B3GALT1: variants seen among roughly 807,000 people sequenced by gnomAD.
The protein encoded by B3GALT1 is UDP-Gal:betaGlcNAc beta 1,3-galactosyltransferase, polypeptide 1.
Under a neutral mutation model 23.2 loss-of-function variants are expected in B3GALT1, and 10 were observed. The ratio of observed to expected loss-of-function variants is 0.43; its 90% confidence interval spans 0.27 to 0.73. B3GALT1 has a LOEUF of 0.73. B3GALT1 is among the 30% of genes least tolerant of loss of function. The pLI is 0.21. For missense variants in B3GALT1, 299 were observed against 405.4 expected (o/e 0.74, Z 2.25); for synonymous variants, 156 against 141.5 (o/e 1.10, Z -0.73).
At chr2:167,822,754 A>T (rs939776449) in intron 4 of B3GALT1, among the ~76,000 whole-genome samples, 5 of 151,968 alleles carry the variant, frequency 3.3e-5, no homozygotes, top group Non-Finnish European at 7.4e-5. Context: ...CCCACTCAAA[A>T]TTCACTCCTC....
chr2:167,834,002 T>A (rs1002210146), intron 4 of B3GALT1, among the ~76,000 whole-genome samples: 1 of 152,196 alleles, frequency 6.6e-6, no homozygotes, highest in African/African-American at 2.4e-5. Flanking sequence ...TGTTGTTGGA[T>A]TTCTATATCA....
At chr2:167,372,727 A>T in intron 1 of B3GALT1, among the ~76,000 whole-genome samples, 1 of 152,106 alleles carries the variant, frequency 6.6e-6, no homozygotes, top group East Asian at 1.9e-4. Context: ...AATAATTTAT[A>T]ATAATATCAA....
chr2:167,783,445 C>T (rs1688282195), intron 3 of B3GALT1, among the ~76,000 whole-genome samples: 2 of 152,092 alleles, frequency 1.3e-5, no homozygotes, highest in Admixed American at 1.3e-4. Flanking sequence ...CCACCTAACG[C>T]CTGACTCTGA....
intron 2 of B3GALT1, among the ~76,000 whole-genome samples, chr2:167,583,304 A>G (rs939908988): frequency 7.2e-5 from 11 of 152,120 alleles, no homozygotes; most frequent in African/African-American, 2.4e-4. Flanking sequence ...TTCATGATGT[A>G]GCTGCAAAAA....
At chr2:167,791,277 C>A (rs561390673) in intron 3 of B3GALT1, among the ~76,000 whole-genome samples, 2 of 152,250 alleles carry the variant, frequency 1.3e-5, no homozygotes, top group East Asian at 3.9e-4. Context: ...GACCAGTAGA[C>A]TATCTTGCCT....
chr2:167,298,477 G>A (rs1188157406), intron 1 of B3GALT1, among the ~76,000 whole-genome samples: 1 of 152,004 alleles, frequency 6.6e-6, no homozygotes, highest in African/African-American at 2.4e-5. Context: ...ATGAGAAATT[G>A]GGATACATTT....
intron 1 of B3GALT1, among the ~76,000 whole-genome samples, chr2:167,398,433 A>G (rs1698131874): frequency 1.3e-5 from 2 of 151,954 alleles, no homozygotes; most frequent in Middle Eastern, 3.4e-3. Flanking sequence ...CTCTATTGCT[A>G]TCTCTCTATT....
intron 1 of B3GALT1, among the ~76,000 whole-genome samples, chr2:167,326,704 T>C (rs2689821): frequency 0.81 from 123,659 of 151,732 alleles, 51,549 homozygotes; most frequent in Non-Finnish European, 0.9. Flanking sequence ...ATTTATTTAT[T>C]GTAGAGACAC....
At chr2:167,350,431 A>G (rs958018107) in intron 1 of B3GALT1, among the ~76,000 whole-genome samples, 1 of 152,182 alleles carries the variant, frequency 6.6e-6, no homozygotes, top group Non-Finnish European at 1.5e-5. Context: ...AATGGTTTAT[A>G]TATCTGAGCA....
At chr2:167,676,421 G>A (rs1280441698) in intron 3 of B3GALT1, among the ~76,000 whole-genome samples, 1 of 151,768 alleles carries the variant, frequency 6.6e-6, no homozygotes, top group Non-Finnish European at 1.5e-5. Context: ...CATCAGATGA[G>A]TTGTTGAGAG....
intron 3 of B3GALT1, among the ~76,000 whole-genome samples, chr2:167,701,455 G>T (rs764232143): frequency 6.6e-6 from 1 of 152,088 alleles, no homozygotes; most frequent in Non-Finnish European, 1.5e-5. Context: ...TTAAGAAAAT[G>T]ATCTGCATCC....
At chr2:167,810,515 G>C (rs11885231) in intron 3 of B3GALT1, among the ~76,000 whole-genome samples, 4,630 of 150,898 alleles carry the variant, frequency 0.031, 557 homozygotes, top group African/African-American at 0.11. Context: ...ACTGCTTAAG[G>C]TATCATATCT....
intron 3 of B3GALT1, among the ~76,000 whole-genome samples, chr2:167,761,640 A>G (rs1687901147): frequency 6.6e-6 from 1 of 152,208 alleles, no homozygotes; most frequent in Non-Finnish European, 1.5e-5. Context: ...ATTTGTGACT[A>G]TCCAGGGCAA....
chr2:167,800,920 C>T (rs1014426424), intron 3 of B3GALT1, among the ~76,000 whole-genome samples: 4 of 152,142 alleles, frequency 2.6e-5, no homozygotes, highest in Admixed American at 2.6e-4. Context: ...AGAAAGGAGA[C>T]AGTGTCTAAA....
intron 2 of B3GALT1, among the ~76,000 whole-genome samples, chr2:167,506,829 G>C (rs1464082313): frequency 8.5e-5 from 13 of 152,182 alleles, no homozygotes; most frequent in Admixed American, 8.5e-4. Context: ...ATTAGAACAA[G>C]TGTATGGGTG....
intron 3 of B3GALT1, among the ~76,000 whole-genome samples, chr2:167,670,877 T>G (rs1388485515): frequency 1.3e-5 from 2 of 152,048 alleles, no homozygotes; most frequent in African/African-American, 4.8e-5. Flanking sequence ...GAAGAGTGAA[T>G]AAAGCTTCTG....
At chr2:167,497,888 T>C (rs1048682695) in intron 2 of B3GALT1, among the ~76,000 whole-genome samples, 14 of 151,838 alleles carry the variant, frequency 9.2e-5, no homozygotes, top group African/African-American at 2.9e-4. Context: ...AAATCTGTAC[T>C]TTTAAGAATT....
At chr2:167,501,718 C>CAAAAAAAAAAAAAAAA (rs35445623) in intron 2 of B3GALT1, among the ~76,000 whole-genome samples, 2 of 65,388 alleles carry the variant, frequency 3.1e-5, no homozygotes, top group Non-Finnish European at 6.1e-5. Flanking sequence ...TCTACAGTGG[C>CAAAAAAAAAAAAAAAA]AAAAAAAAAA....
chr2:167,488,225 T>A (rs568340969), intron 1 of B3GALT1, among the ~76,000 whole-genome samples: 1 of 152,304 alleles, frequency 6.6e-6, no homozygotes, highest in African/African-American at 2.4e-5. Flanking sequence ...CAGCACACAT[T>A]GGCTTAGGGT....
Sources: allele counts gnomAD v4.1 joint callset (sites outside exome capture counted in the v4.1 genomes callset), GRCh38; gene constraint gnomAD v4.1.1; transcripts MANE v1.5; gene names NCBI Gene and HGNC (gene_info 2026-07-23, HGNC 2026-07-21).